The following TAFA1 variants were observed in gnomAD, a reference collection of about 807,000 sequenced individuals.
The protein encoded by TAFA1 is chemokine-like protein TAFA-1.
In TAFA1, 4 loss-of-function variants were observed where a neutral mutation model predicts 18.5. The ratio of observed to expected loss-of-function variants is 0.22; its 90% CI spans 0.11 to 0.49. The LOEUF (loss-of-function observed/expected upper bound fraction) is 0.49. Among genes scored for constraint, TAFA1 ranks in the 20% least tolerant of loss-of-function variants. TAFA1 has a pLI of 0.98. For missense variants in TAFA1, 147 were observed against 169.0 expected (o/e 0.87, Z 0.72); for synonymous variants, 56 against 55.2 (o/e 1.01, Z -0.06).
intron 3 of TAFA1, among the ~76,000 whole-genome samples, chr3:68,520,591 A>G (rs1187236433): frequency 3.3e-5 from 5 of 152,228 alleles, no homozygotes; most frequent in African/African-American, 1.2e-4. Flanking sequence ...CATTGTGAGC[A>G]GATCTGGATT....
intron 3 of TAFA1, among the ~76,000 whole-genome samples, chr3:68,450,556 C>T (rs1488633153): frequency 6.6e-6 from 1 of 152,084 alleles, no homozygotes; most frequent in Non-Finnish European, 1.5e-5. Flanking sequence ...AGGATCAGAT[C>T]CCATTAAAAG....
chr3:68,061,905 T>C (rs753832947), intron 2 of TAFA1, among the ~76,000 whole-genome samples: 11 of 152,106 alleles, frequency 7.2e-5, no homozygotes, highest in Non-Finnish European at 1.3e-4. Context: ...ATCACATTTA[T>C]CCCTCATCAA....
At chr3:68,287,696 A>G (rs2068033472) in intron 2 of TAFA1, among the ~76,000 whole-genome samples, 1 of 152,102 alleles carries the variant, frequency 6.6e-6, no homozygotes, top group South Asian at 2.1e-4. Context: ...ATCTGAGGAA[A>G]TTATTTTAAC....
intron 3 of TAFA1, among the ~76,000 whole-genome samples, chr3:68,531,626 T>G (rs985078400): frequency 5.9e-5 from 9 of 152,122 alleles, no homozygotes; most frequent in African/African-American, 2.2e-4. Context: ...TCATTTTGCT[T>G]CTTAGAGCAC....
At chr3:68,271,132 C>A (rs1163199039) in intron 2 of TAFA1, among the ~76,000 whole-genome samples, 1 of 152,034 alleles carries the variant, frequency 6.6e-6, no homozygotes, top group African/African-American at 2.4e-5. Flanking sequence ...CCCCACCCTG[C>A]CCCTTCCCCC....
At chr3:68,327,256 G>C (rs972413913) in intron 2 of TAFA1, among the ~76,000 whole-genome samples, 4 of 152,072 alleles carry the variant, frequency 2.6e-5, no homozygotes, top group Non-Finnish European at 5.9e-5. Context: ...GTCTTTATTA[G>C]CATCATGAGA....
rs78017424 is a variant in TAFA1, at chr3:68,181,692, G to C, written c.118+174948G>C. Among the ~76,000 whole-genome samples, 703 of 152,280 alleles carry C rather than the reference G, an allele frequency of 4.6e-3. 28 individuals are homozygous for C. In the East Asian group the frequency reaches 0.091, roughly 20 times the overall value. ...AAAAATGTTAGAAACTATTGATCAAGACAAGTTCCCAGAATACTAGACTCC... is the reference window on the plus strand; with the variant it reads ...AAAAATGTTAGAAACTATTGATCAACACAAGTTCCCAGAATACTAGACTCC... On this transcript the variant is annotated intron_variant, in intron 2 of 4. Coordinates refer to ENST00000478136, the MANE Select transcript of TAFA1 (RefSeq NM_213609.4).
At chr3:68,488,022 G>A (rs1347078824) in intron 3 of TAFA1, among the ~76,000 whole-genome samples, 2 of 152,156 alleles carry the variant, frequency 1.3e-5, no homozygotes, top group South Asian at 2.1e-4. Context: ...CATAGTGTCA[G>A]TAGAGACAGA....
At chr3:68,249,082 A>C (rs954919261) in intron 2 of TAFA1, among the ~76,000 whole-genome samples, 1 of 152,222 alleles carries the variant, frequency 6.6e-6, no homozygotes, top group Admixed American at 6.5e-5. Context: ...TACTGAAGGT[A>C]ATAGGGGCTC....
intron 3 of TAFA1, among the ~76,000 whole-genome samples, chr3:68,480,945 C>T (rs990802855): frequency 1.3e-5 from 2 of 152,046 alleles, no homozygotes; most frequent in African/African-American, 4.8e-5. Flanking sequence ...AAGGGGCAAC[C>T]CGTTTTGCTT....
At chr3:68,315,866 T>C (rs1325620487) in intron 2 of TAFA1, among the ~76,000 whole-genome samples, 1 of 152,208 alleles carries the variant, frequency 6.6e-6, no homozygotes, top group Non-Finnish European at 1.5e-5. Context: ...TGTGAACTGA[T>C]AATGTGGTTG....
chr3:68,106,140 G>C (rs1048152702), intron 2 of TAFA1, among the ~76,000 whole-genome samples: 2 of 151,444 alleles, frequency 1.3e-5, no homozygotes, highest in Non-Finnish European at 2.9e-5. Flanking sequence ...ATGTTACTGG[G>C]ACAATTTGGA....
At position 68,274,620 on chromosome 3, in the gene TAFA1, T is replaced by C. The variant is rs150601917; in HGVS notation, c.119-142660T>C. On this transcript the variant is annotated intron_variant, in intron 2 of 4. Coordinates refer to ENST00000478136, the MANE Select transcript of TAFA1 (RefSeq NM_213609.4). ...GCAATATTTTCCACTGGGAGGACTT[T>C]GGAGCCTAGATAGTTATAGCACCCA... is the stretch of plus-strand genomic sequence containing the variant. Among the ~76,000 whole-genome samples the C allele has an allele frequency of 1.9e-4, 29 of 152,298 alleles. No individual in the cohort carries two copies. In the East Asian group the frequency reaches 4.6e-3, roughly 24 times the overall value.
chr3:68,005,537 T>C (rs1704342652), intron 1 of TAFA1, among the ~76,000 whole-genome samples: 1 of 152,206 alleles, frequency 6.6e-6, no homozygotes, highest in Non-Finnish European at 1.5e-5. Context: ...AAAGAACCAA[T>C]TTTCATGAAT....
chr3:68,257,382 A>G (rs1375377546), intron 2 of TAFA1, among the ~76,000 whole-genome samples: 1 of 150,920 alleles, frequency 6.6e-6, no homozygotes, highest in Non-Finnish European at 1.5e-5. Flanking sequence ...TGCTTGTTTA[A>G]CCTCTGTCTT....
At chr3:68,443,732 C>G (rs1197475255) in intron 3 of TAFA1, among the ~76,000 whole-genome samples, 1 of 152,080 alleles carries the variant, frequency 6.6e-6, no homozygotes, top group Admixed American at 6.6e-5. Flanking sequence ...TCCCATGATA[C>G]ATGGGAATTG....
In TAFA1 at chr3:68,140,746, G is replaced by A. The variant is rs528754200; in HGVS notation, c.118+134002G>A. ...ACATTGAAGGTACTCAGTGGCAATAGTCAGTATTAAACTTATCTCTAATTT... is the reference window on the plus strand; with the variant it reads ...ACATTGAAGGTACTCAGTGGCAATAATCAGTATTAAACTTATCTCTAATTT... On this transcript the variant is annotated intron_variant, in intron 2 of 4. Coordinates refer to ENST00000478136, the MANE Select transcript of TAFA1 (RefSeq NM_213609.4). 1.4e-3 allele frequency among the ~76,000 whole-genome samples: 207 copies of A among 152,188 alleles called. 2 individuals carry two copies. The highest frequency in any genetic ancestry group is 2.7e-3 in the Admixed American group (41 of 15,272).
intron 3 of TAFA1, among the ~76,000 whole-genome samples, chr3:68,455,881 C>T (rs1294233194): frequency 1.3e-5 from 2 of 152,148 alleles, no homozygotes; most frequent in African/African-American, 4.8e-5. Flanking sequence ...GGTTCTCCTA[C>T]ATAGCACTGA....
At chr3:67,999,234 G>C in the TAFA1 span, among the ~76,000 whole-genome samples, 8 of 144,018 alleles carry the variant, frequency 5.6e-5, no homozygotes, top group African/African-American at 1.6e-4. Context: ...AAGTTCTCTT[G>C]AATAGTGCTC....
Sources: allele counts gnomAD v4.1 joint callset (sites outside exome capture counted in the v4.1 genomes callset), GRCh38; gene constraint gnomAD v4.1.1; transcripts MANE v1.5; gene names NCBI Gene and HGNC (gene_info 2026-07-23, HGNC 2026-07-21).